The following FHIP1A variants were observed in gnomAD, a reference collection of about 807,000 sequenced individuals.
FHIP1A encodes FHF complex subunit HOOK interacting protein 1A.
Under a neutral mutation model 88.6 loss-of-function variants are expected in FHIP1A, and 61 were observed. The observed-to-expected ratio is 0.69, with a 90% CI of 0.56 to 0.85. The LOEUF is 0.85. FHIP1A is among the 40% of genes least tolerant of loss of function. The probability of loss-of-function intolerance (pLI) is 0.00; values close to 1 mark genes in which losing one functional copy is unlikely to be tolerated. For synonymous variants in FHIP1A, 478 were observed against 496.0 expected (o/e 0.96, Z 0.48); for missense variants, 1,154 against 1,273.5 (o/e 0.91, Z 1.43).
chr4:151,505,992 G>T (rs760489740), intron 3 of FHIP1A, among the ~76,000 whole-genome samples: 4 of 152,112 alleles, frequency 2.6e-5, no homozygotes, highest in Non-Finnish European at 5.9e-5. Context: ...ACATGATCAG[G>T]GCTCACTGGA....
rs1198517091 is a variant in FHIP1A, at chr4:151,577,748, A to C, written c.404A>C (p.His135Pro). Residue 135 changes from histidine (H) to proline (P), a missense_variant, in exon 5 of 14, where the codon CAC (histidine) becomes CCC (proline). His to Pro is a moderately conservative substitution (Grantham distance 77). Coordinates refer to ENST00000435205, the MANE Select transcript of FHIP1A (RefSeq NM_001109977.3). ...LVTQSHQPLLHHKPILKPLMM... is the reference protein window; with the variant it reads ...LVTQSHQPLLPHKPILKPLMM... Reference sequence around the variant, plus strand: ...ACCCAGTCGCACCAGCCTCTGCTGCACCACAAACCCATTCTGAAGCCTCTG... The same window carrying C: ...ACCCAGTCGCACCAGCCTCTGCTGCCCCACAAACCCATTCTGAAGCCTCTG... 6.4e-7 allele frequency: 1 copy of C among 1,551,876 alleles called. No homozygotes were observed.
At chr4:151,586,165 G>A (rs1734202845) in intron 5 of FHIP1A, among the ~76,000 whole-genome samples, 1 of 152,256 alleles carries the variant, frequency 6.6e-6, no homozygotes, top group South Asian at 2.1e-4. Context: ...TGGTTCCAAT[G>A]TATGTGACTT....
At chr4:151,555,287 C>T (rs1418467467) in intron 3 of FHIP1A, among the ~76,000 whole-genome samples, 5 of 152,276 alleles carry the variant, frequency 3.3e-5, no homozygotes, top group Non-Finnish European at 7.4e-5. Flanking sequence ...TTTCAAAAAA[C>T]ATACTTTTCT....
chr4:151,577,720 G>C lies in FHIP1A; in HGVS notation c.376G>C (p.Val126Leu), dbSNP rs1227008927. The change falls in exon 5 of 14, where the codon GTC becomes CTC. Residue 126 changes from valine to leucine, a missense_variant. Coordinates refer to ENST00000435205, the MANE Select transcript of FHIP1A (RefSeq NM_001109977.3). ...GCAGCTAAAGATGTATGAGATGTTG[G>C]TCACCCAGTCGCACCAGCCTCTGCT... Reference protein sequence around the residue: ...IEQLKMYEMLVTQSHQPLLHH... With the variant: ...IEQLKMYEMLLTQSHQPLLHH... 6.4e-7 allele frequency: 1 copy of C among 1,551,480 alleles called. No individual in the cohort carries two copies. The highest frequency in any genetic ancestry group is 1.4e-5 in the African/African-American group (1 of 72,980).
chr4:151,476,666 A>G (rs1729720117), intron 2 of FHIP1A, among the ~76,000 whole-genome samples: 1 of 152,218 alleles, frequency 6.6e-6, no homozygotes, highest in Admixed American at 6.5e-5. Flanking sequence ...GAGAGAAAAT[A>G]ATGAAGTTAT....
chr4:151,460,746 G>T (rs936277381), intron 2 of FHIP1A, among the ~76,000 whole-genome samples: 1 of 152,188 alleles, frequency 6.6e-6, no homozygotes, highest in African/African-American at 2.4e-5. Flanking sequence ...ATCAGCTGAA[G>T]AATTTAAGAT....
chr4:151,482,847 C>G (rs772830238), intron 3 of FHIP1A, among the ~76,000 whole-genome samples, 199 bp downstream of exon 3: 4 of 152,004 alleles, frequency 2.6e-5, no homozygotes, highest in Non-Finnish European at 4.4e-5. Flanking sequence ...AGAACTGCAT[C>G]TTGACCCTCT....
intron 1 of FHIP1A, among the ~76,000 whole-genome samples, chr4:151,424,744 G>C (rs1274357888): frequency 1.3e-5 from 2 of 151,140 alleles, no homozygotes; most frequent in African/African-American, 4.9e-5. Flanking sequence ...TCAAGAGGCA[G>C]ATACCCATCC....
At chr4:151,660,117 G>A (rs571269667) in intron 13 of FHIP1A, among the ~76,000 whole-genome samples, 4 of 152,240 alleles carry the variant, frequency 2.6e-5, no homozygotes, top group Middle Eastern at 3.4e-3. Flanking sequence ...ACCATAACTC[G>A]GGTCTGCTTG....
intron 1 of FHIP1A, among the ~76,000 whole-genome samples, chr4:151,432,564 G>A (rs1409311412): frequency 6.6e-6 from 1 of 152,194 alleles, no homozygotes; most frequent in African/African-American, 2.4e-5. Flanking sequence ...TGACTGGGTG[G>A]CTGTATTAGA....
intron 1 of FHIP1A, among the ~76,000 whole-genome samples, chr4:151,441,396 G>A (rs1270821360): frequency 2.0e-5 from 3 of 151,506 alleles, no homozygotes; most frequent in African/African-American, 4.9e-5. Context: ...TAATAGTAAT[G>A]GCTTCAAATG....
intron 3 of FHIP1A, among the ~76,000 whole-genome samples, chr4:151,506,372 G>C (rs112339388): frequency 6.6e-6 from 1 of 152,304 alleles, no homozygotes; most frequent in Non-Finnish European, 1.5e-5. Context: ...GTATATTGCA[G>C]TATATTGTCT....
At position 151,586,644 on chromosome 4, in the gene FHIP1A, C is replaced by A; in HGVS notation, c.736C>A (p.Leu246Ile). The change falls in exon 6 of 14, where the codon CTT becomes ATT. Residue 246 changes from leucine (L) to isoleucine (I), a missense_variant. By Grantham distance (5) the Leu-to-Ile change is conservative (BLOSUM62 2). Transcript: ENST00000435205. Reference protein sequence around the residue: ...IVENTYFCPVLATGLSGLYSS... With the variant: ...IVENTYFCPVIATGLSGLYSS... ...TTGTTTTTATTTCTGAACACAGGTACTTGCAACTGGGCTCAGTGGTCTCTA... is the reference window on the plus strand; with the variant it reads ...TTGTTTTTATTTCTGAACACAGGTAATTGCAACTGGGCTCAGTGGTCTCTA... 2 of 1,539,496 alleles carry A rather than the reference C, an allele frequency of 1.3e-6. No homozygotes were observed. The highest frequency in any genetic ancestry group is 1.8e-6 in the Non-Finnish European group (2 of 1,137,770).
At chr4:151,646,514 A>G in intron 9 of FHIP1A, 44 bp from the exon 10 acceptor site, 1 of 1,412,930 alleles carries the variant, frequency 7.1e-7, no homozygotes, top group Non-Finnish European at 9.7e-7. Flanking sequence ...GTAATGGTTC[A>G]AGACATTGCA....
intron 1 of FHIP1A, among the ~76,000 whole-genome samples, chr4:151,429,587 G>A (rs563580999): frequency 6.6e-6 from 1 of 152,184 alleles, no homozygotes; most frequent in Non-Finnish European, 1.5e-5. Flanking sequence ...GGTGGCTCAT[G>A]CCTGTAATCC....
At chr4:151,647,001 G>A (rs1054523820) in intron 10 of FHIP1A, among the ~76,000 whole-genome samples, 1 of 152,176 alleles carries the variant, frequency 6.6e-6, no homozygotes, top group Non-Finnish European at 1.5e-5. Context: ...GATCCTCAGA[G>A]TCAAAATGTG....
chr4:151,587,433 AT>A (rs1221647406), intron 6 of FHIP1A, among the ~76,000 whole-genome samples: 3 of 152,092 alleles, frequency 2.0e-5, no homozygotes, highest in Non-Finnish European at 2.9e-5. Context: ...TTCATAAAAA[AT>A]ATTTTAGTTC....
At chr4:151,462,240 G>C (rs1729166401) in intron 2 of FHIP1A, among the ~76,000 whole-genome samples, 2 of 152,082 alleles carry the variant, frequency 1.3e-5, no homozygotes, top group Admixed American at 6.6e-5. Flanking sequence ...TCCTTATTTT[G>C]CTCCCTCTAA....
chr4:151,596,011 T>C (rs1437084362), intron 7 of FHIP1A, among the ~76,000 whole-genome samples: 1 of 152,240 alleles, frequency 6.6e-6, no homozygotes, highest in African/African-American at 2.4e-5. Flanking sequence ...TGGGAGCATT[T>C]AGCCCATTTA....
Sources: allele counts gnomAD v4.1 joint callset (sites outside exome capture counted in the v4.1 genomes callset), GRCh38; gene constraint gnomAD v4.1.1; transcripts MANE v1.5; gene names NCBI Gene and HGNC (gene_info 2026-07-23, HGNC 2026-07-21).